Variants in ZNF846 observed in about 807,000 individuals in gnomAD.
ZNF846 encodes the protein zinc finger protein 420 pseudogene.
ZNF846 carries 15 observed loss-of-function variants against 16.0 expected under a neutral mutation model. The ratio of observed to expected loss-of-function variants is 0.94; its 90% CI spans 0.63 to 1.45. The LOEUF is 1.45. Ranked by LOEUF, ZNF846 falls within the 40% of genes most tolerant of loss-of-function variation. The probability of loss-of-function intolerance (pLI) is 0.00; values close to 1 mark genes in which losing one functional copy is unlikely to be tolerated. For synonymous variants in ZNF846, 229 were observed against 212.0 expected, an observed-to-expected ratio of 1.08 and a Z score of -0.70; for missense variants, 714 against 622.3, an observed-to-expected ratio of 1.15 and a Z score of -1.57.
rs73921135 is a variant in ZNF846 at position 9,764,884 on chromosome 19, C to T, written c.15+52G>A. The T allele has an allele frequency of 2.8e-3, 4,430 of 1,607,406 alleles. 118 individuals are homozygous for T. In the African/African-American group the frequency reaches 0.051, roughly 18 times the overall value. ...ATACACGATAACAAGGTAAGGCTAC[C>T]GATGATGGCTACAAGCATAACATTT... On this transcript the variant is annotated intron_variant, in intron 2 of 5. Coordinates refer to ENST00000397902, the Ensembl canonical transcript of ZNF846.
At chr19:9,763,934 T>C (rs993451138) in intron 2 of ZNF846, among the ~76,000 whole-genome samples, 1 of 152,190 alleles carries the variant, frequency 6.6e-6, no homozygotes, top group Non-Finnish European at 1.5e-5. Flanking sequence ...TTACTGTAAA[T>C]ACAAAATTGC....
intron 5 of ZNF846, 30 bp from the exon 6 acceptor site, chr19:9,758,794 T>C (rs768872536): frequency 4.0e-6 from 6 of 1,487,924 alleles, no homozygotes; most frequent in Non-Finnish European, 5.4e-6. Context: ...GAATAAAGAA[T>C]TTCTCACATT....
At chr19:9,770,123 C>T (rs367992006), upstream of ZNF846, among the ~76,000 whole-genome samples, 2 of 152,014 alleles carry the variant, frequency 1.3e-5, no homozygotes, top group East Asian at 3.9e-4. Flanking sequence ...TGTACAGTTT[C>T]GTGGCTTTTT....
At chr19:9,754,077 AT>A (rs137984361), downstream of ZNF846, among the ~76,000 whole-genome samples, 4 of 151,398 alleles carry the variant, frequency 2.6e-5, no homozygotes, top group Non-Finnish European at 5.9e-5. Context: ...GATACATATA[AT>A]TTTTTTATCT....
intron 1 of ZNF846, among the ~76,000 whole-genome samples, chr19:9,779,573 T>C (rs1019911237): frequency 4.9e-5 from 7 of 141,776 alleles, no homozygotes; most frequent in African/African-American, 1.6e-4. Flanking sequence ...CCACCAGAAT[T>C]TTTTTTTTTT....
chr19:9,750,317 C>T (rs1599378852), downstream of ZNF846, among the ~76,000 whole-genome samples: 1 of 152,152 alleles, frequency 6.6e-6, no homozygotes, highest in South Asian at 2.1e-4. Context: ...TAGTGAAAGA[C>T]TACTCACAGA....
At chr19:9,785,462 T>A (rs1298672428) in intron 1 of ZNF846, among the ~76,000 whole-genome samples, 1 of 150,136 alleles carries the variant, frequency 6.7e-6, no homozygotes, top group Non-Finnish European at 1.5e-5. Flanking sequence ...TCCCAGTCTG[T>A]CCCCTCACCA....
chr19:9,749,892 G>A (rs938104920), downstream of ZNF846, among the ~76,000 whole-genome samples: 7 of 151,934 alleles, frequency 4.6e-5, no homozygotes, highest in East Asian at 1.9e-4. Context: ...ATTAAAAAGC[G>A]GCCACACTTC....
upstream of ZNF846, among the ~76,000 whole-genome samples, chr19:9,771,242 T>C (rs1321596453): frequency 6.6e-6 from 1 of 152,092 alleles, no homozygotes; most frequent in East Asian, 1.9e-4. Flanking sequence ...TGGAGTGTAG[T>C]GACATGATCT....
intron 1 of ZNF846, among the ~76,000 whole-genome samples, chr19:9,766,499 T>G (rs1039478378): frequency 5.9e-5 from 9 of 152,184 alleles, no homozygotes; most frequent in African/African-American, 2.2e-4. Flanking sequence ...TTTAGGCTAT[T>G]TCAAATAATG....
chr19:9,777,888 T>G (rs1421719747), intron 1 of ZNF846, among the ~76,000 whole-genome samples: 1 of 151,948 alleles, frequency 6.6e-6, no homozygotes, highest in African/African-American at 2.4e-5. Flanking sequence ...CTGGCAGCTA[T>G]TGTGAGTAAC....
chr19:9,762,202 T>A, intron 3 of ZNF846, 34 bp from the exon 4 acceptor site: 2 of 1,551,472 alleles, frequency 1.3e-6, no homozygotes, highest in South Asian at 2.2e-5. Context: ...AAGAGGCCCA[T>A]GCAAGACATA....
At chr19:9,758,457 A>G in exon 6 of ZNF846, 1 of 1,613,548 alleles carries the variant, frequency 6.2e-7, no homozygotes. Context: ...CTGATTAAGA[A>G]AAGTTCTCCA....
chr19:9,774,390 C>A (rs2045415869), intron 1 of ZNF846: 1 of 549,600 alleles, frequency 1.8e-6, no homozygotes, highest in Non-Finnish European at 3.3e-6. Flanking sequence ...ATGGCGTGAA[C>A]CCGGGAGGTG....
intron 1 of ZNF846, among the ~76,000 whole-genome samples, chr19:9,767,862 GAC>G (rs1184904525): frequency 6.6e-6 from 1 of 152,134 alleles, no homozygotes; most frequent in Admixed American, 6.5e-5. Flanking sequence ...TGGACCGGGA[GAC>G]AGAGTTTACA....
chr19:9,783,680 G>GTT lies in ZNF846; in HGVS notation c.-86+2256_-86+2257dup, dbSNP rs987486361. 1.1e-3 allele frequency among the ~76,000 whole-genome samples: 169 copies of GTT among 149,142 alleles called. 1 individual carries two copies. The highest frequency in any genetic ancestry group is 4.0e-3 in the African/African-American group (163 of 40,746). ...AGGTGTGAGTCACCGTGTCCGGCCA[G>GTT]TTTTGTTTTTGTTTTTTTTTTTAAT... is the stretch of plus-strand genomic sequence containing the variant. On this transcript the variant is annotated intron_variant, in intron 1 of 4. Coordinates refer to the ZNF846 transcript ENST00000586814.
At chr19:9,780,052 T>TG (rs1458042403) in intron 1 of ZNF846, among the ~76,000 whole-genome samples, 4 of 145,980 alleles carry the variant, frequency 2.7e-5, no homozygotes, top group African/African-American at 8.2e-5. Flanking sequence ...AATTTTGTTT[T>TG]TTTTTTTGTT....
At chr19:9,757,950 G>T in exon 6 of ZNF846, 18 of 1,613,554 alleles carry the variant, frequency 1.1e-5, no homozygotes, top group Non-Finnish European at 1.5e-5. Context: ...TGAGGAACGA[G>T]TAAAAGCTTT....
At chr19:9,765,209 C>A (rs561100309) in intron 1 of ZNF846, among the ~76,000 whole-genome samples, 174 bp from the exon 2 acceptor site, 1 of 151,892 alleles carries the variant, frequency 6.6e-6, no homozygotes, top group East Asian at 1.9e-4. Context: ...CCTGTCTCTA[C>A]TAAAAATCCA....
Sources: gnomAD v4.1 joint callset for allele counts (sites outside exome capture counted in the v4.1 genomes callset) on GRCh38, gnomAD v4.1.1 for gene constraint, MANE v1.5 for transcripts, NCBI Gene and HGNC (gene_info 2026-07-23, HGNC 2026-07-21) for gene names.